Variants in SIL1 observed in about 807,000 individuals in gnomAD.
The protein encoded by SIL1 is nucleotide exchange factor SIL1.
A neutral mutation model predicts 49.1 loss-of-function variants in SIL1; 40 were observed. The observed-to-expected ratio is 0.81, with a 90% confidence interval of 0.63 to 1.06. The LOEUF (loss-of-function observed/expected upper bound fraction) is 1.06, where lower values mean the gene tolerates loss of function less well. Ranked by LOEUF, SIL1 falls within the 50% of genes least tolerant of loss-of-function variation. The pLI is 0.00. For synonymous variants in SIL1, 253 were observed against 250.8 expected, an observed-to-expected ratio of 1.01 and a Z score of -0.08; for missense variants, 500 against 572.6, an observed-to-expected ratio of 0.87 and a Z score of 1.29.
chr5:139,101,957 G>T (rs1261057869), intron 3 of SIL1, among the ~76,000 whole-genome samples: 2 of 152,154 alleles, frequency 1.3e-5, no homozygotes, highest in Admixed American at 6.5e-5. Context: ...CAAAATCATG[G>T]TATTATCTAA....
In SIL1 at chr5:139,172,207, A is replaced by G. The variant is rs7706003; in HGVS notation, c.-11+26062T>C. 7.1e-3 allele frequency among the ~76,000 whole-genome samples: 1,087 copies of G among 152,370 alleles called. 16 individuals are homozygous for G. Among genetic ancestry groups the G allele is most frequent in the African/African-American group, 0.024 (998 of 41,584 alleles). ...GAACATTTGAAAATATAATGGTACA[A>G]AATTTCCCAAATTTGATGAAAGACA... On this transcript the variant is annotated intron_variant, in intron 1 of 9. Coordinates refer to ENST00000394817, the MANE Select transcript of SIL1 (RefSeq NM_022464.5).
At chr5:139,140,994 A>G (rs1751068911) in intron 1 of SIL1, among the ~76,000 whole-genome samples, 1 of 152,116 alleles carries the variant, frequency 6.6e-6, no homozygotes, top group Non-Finnish European at 1.5e-5. Flanking sequence ...CACAGTTACA[A>G]GCAGAACTGA....
At chr5:139,120,300 C>T (rs1750597476) in intron 3 of SIL1, among the ~76,000 whole-genome samples, 1 of 152,176 alleles carries the variant, frequency 6.6e-6, no homozygotes. Context: ...GAGAGTAGGC[C>T]CAGGCTCTGG....
intron 5 of SIL1, among the ~76,000 whole-genome samples, chr5:139,032,273 T>A (rs1768810687): frequency 6.6e-6 from 1 of 152,212 alleles, no homozygotes. Flanking sequence ...TTATCATGAA[T>A]GGGTACTGAA....
chr5:139,052,048 T>C (rs17207870), intron 3 of SIL1, among the ~76,000 whole-genome samples: 38,821 of 152,136 alleles, frequency 0.26, 5,983 homozygotes, highest in Middle Eastern at 0.39. Flanking sequence ...GGTGTTAAGT[T>C]TGATTTAAGA....
intron 7 of SIL1, among the ~76,000 whole-genome samples, chr5:139,005,498 T>C (rs931689975): frequency 1.4e-5 from 2 of 147,456 alleles, no homozygotes; most frequent in African/African-American, 5.0e-5. Flanking sequence ...CATGTGCACA[T>C]TGTGCAGGTT....
At chr5:139,178,451 G>T (rs1190767269) in intron 1 of SIL1, among the ~76,000 whole-genome samples, 1 of 152,006 alleles carries the variant, frequency 6.6e-6, no homozygotes, top group African/African-American at 2.4e-5. Flanking sequence ...AGCTGACAAG[G>T]CCTGCCCTCA....
chr5:139,013,102 C>T (rs898230902), intron 7 of SIL1, among the ~76,000 whole-genome samples: 75 of 152,280 alleles, frequency 4.9e-4, no homozygotes, highest in African/African-American at 1.8e-3. Context: ...GCCTGCTCTA[C>T]GGTTTTCCAC....
chr5:139,139,088 T>C (rs994986364), intron 1 of SIL1, among the ~76,000 whole-genome samples: 3 of 151,836 alleles, frequency 2.0e-5, no homozygotes, highest in African/African-American at 7.3e-5. Context: ...TCAGGGAGAG[T>C]AGGAACAGCC....
At chr5:139,066,716 A>AT (rs1769713617) in intron 3 of SIL1, among the ~76,000 whole-genome samples, 1 of 150,634 alleles carries the variant, frequency 6.6e-6, no homozygotes, top group Non-Finnish European at 1.5e-5. Context: ...TTTATTTATT[A>AT]TTTTTTTGAG....
At chr5:139,006,838 T>G (rs1472172342) in intron 7 of SIL1, among the ~76,000 whole-genome samples, 3 of 148,430 alleles carry the variant, frequency 2.0e-5, no homozygotes, top group Admixed American at 2.0e-4. Flanking sequence ...TTGGTACCAG[T>G]ACCATGCTGT....
chr5:139,083,254 A>T (rs1222162797), intron 3 of SIL1, among the ~76,000 whole-genome samples: 2 of 152,198 alleles, frequency 1.3e-5, no homozygotes, highest in African/African-American at 4.8e-5. Flanking sequence ...TTCTTGCTTT[A>T]TGTTTTCTCA....
intron 3 of SIL1, among the ~76,000 whole-genome samples, chr5:139,085,293 C>T (rs1221531762): frequency 6.6e-6 from 1 of 151,990 alleles, no homozygotes; most frequent in East Asian, 1.9e-4. Context: ...AGGGGGAGGT[C>T]GTGGGGCCTC....
intron 6 of SIL1, among the ~76,000 whole-genome samples, chr5:139,023,647 C>A (rs1768579148): frequency 6.6e-6 from 1 of 152,194 alleles, no homozygotes; most frequent in African/African-American, 2.4e-5. Context: ...TGGTTTGGGT[C>A]CTTGGAGCCT....
intron 1 of SIL1, among the ~76,000 whole-genome samples, chr5:139,193,434 G>C (rs1752211237): frequency 6.6e-6 from 1 of 152,050 alleles, no homozygotes; most frequent in South Asian, 2.1e-4. Context: ...TGGGCATGGT[G>C]GTGGGCGCCT....
intron 1 of SIL1, among the ~76,000 whole-genome samples, chr5:139,142,839 G>C (rs552318593): frequency 6.6e-6 from 1 of 152,180 alleles, no homozygotes; most frequent in African/African-American, 2.4e-5. Flanking sequence ...CGCGATCTCG[G>C]TTCACTGCAA....
chr5:139,128,154 TC>T (rs1750792145), intron 1 of SIL1: 1 of 399,192 alleles, frequency 2.5e-6, no homozygotes, highest in Non-Finnish European at 4.9e-6. Context: ...TGGCGGGTGG[TC>T]TTGACTATAA....
At chr5:139,072,632 C>A (rs1231278860) in intron 3 of SIL1, among the ~76,000 whole-genome samples, 1 of 152,140 alleles carries the variant, frequency 6.6e-6, no homozygotes, top group African/African-American at 2.4e-5. Context: ...AGTGGGAAAG[C>A]TCCATGACAT....
At chr5:139,186,741 A>G (rs1233694765) in intron 1 of SIL1, among the ~76,000 whole-genome samples, 1 of 152,246 alleles carries the variant, frequency 6.6e-6, no homozygotes, top group African/African-American at 2.4e-5. Flanking sequence ...TCTTGAATTC[A>G]TAAACATTTA....
Sources: allele counts gnomAD v4.1 joint callset (sites outside exome capture counted in the v4.1 genomes callset), GRCh38; gene constraint gnomAD v4.1.1; transcripts MANE v1.5; gene names NCBI Gene and HGNC (gene_info 2026-07-23, HGNC 2026-07-21).